PROKR1: variants seen among roughly 807,000 people sequenced by gnomAD.
The protein encoded by PROKR1 is G protein-coupled receptor 73.
Under a neutral mutation model 22.8 loss-of-function variants are expected in PROKR1, and 21 were observed. The observed-to-expected ratio is 0.92, with a 90% CI of 0.65 to 1.32. The LOEUF (loss-of-function observed/expected upper bound fraction) is 1.32, where lower values mean the gene tolerates loss of function less well. Among genes scored for constraint, PROKR1 ranks in the 40% most tolerant of loss-of-function variants. The probability of loss-of-function intolerance (pLI) is 0.00; values close to 1 mark genes in which losing one functional copy is unlikely to be tolerated. For synonymous variants in PROKR1, 193 were observed against 207.5 expected, an observed-to-expected ratio of 0.93 and a Z score of 0.60; for missense variants, 548 against 514.2, an observed-to-expected ratio of 1.07 and a Z score of -0.64.
In PROKR1 at chr2:68,655,147, C is replaced by A; in HGVS notation, c.753C>A (p.Cys251Ter). The A allele has an allele frequency of 6.2e-7, 1 of 1,614,222 alleles. No individual in the cohort carries two copies. The highest frequency in any genetic ancestry group is 8.5e-7 in the Non-Finnish European group (1 of 1,180,040). Residue 251 changes from cysteine (C) to a stop codon, truncating the protein, a stop_gained, in exon 3 of 3, where the codon TGC becomes TGA. Coordinates refer to ENST00000303786, the MANE Select transcript of PROKR1 (RefSeq NM_138964.4). LOFTEE classifies it high-confidence loss of function. ...GCCCCGTGGTCACCATGACCCTGTGCTATGCCAGGATCTCCCGGGAGCTCT... is the reference window on the plus strand; with the variant it reads ...GCCCCGTGGTCACCATGACCCTGTGATATGCCAGGATCTCCCGGGAGCTCT... ...FVGPVVTMTL[C>*]YARISRELWF...
At position 68,655,021 on chromosome 2, in the gene PROKR1, C is replaced by T; in HGVS notation, c.627C>T (p.Val209=). ...YFTTETVLVI[V]KSQEKIFCGQ... is the part of the protein sequence containing the mutation. ...CCACCGAGACGGTCCTCGTCATTGT[C>T]AAGAGCCAGGAAAAGATCTTCTGCG... Residue 209 remains valine (V), a synonymous_variant, in exon 3 of 3, where the codon GTC becomes GTT. Transcript: ENST00000303786. The T allele has an allele frequency of 1.2e-6, 2 of 1,613,838 alleles. No individual in the cohort carries two copies. Among genetic ancestry groups the T allele is most frequent in the Non-Finnish European group, 1.7e-6 (2 of 1,179,986 alleles).
At position 68,655,363 on chromosome 2, in the gene PROKR1, C is replaced by T. The variant is rs888675960; in HGVS notation, c.969C>T (p.Ala323=). The part of the protein sequence containing the change: ...VFVKEKHYLT[A]FYIVECIAMS... ...TGAAGGAGAAGCACTACCTCACTGC[C>T]TTCTACATCGTCGAGTGCATCGCCA... Residue 323 remains alanine (A), a synonymous_variant, in exon 3 of 3, where the codon GCC becomes GCT. Coordinates refer to ENST00000303786, the MANE Select transcript of PROKR1 (RefSeq NM_138964.4). 6.2e-6 allele frequency: 10 copies of T among 1,614,206 alleles called. No homozygotes were observed. The highest frequency in any genetic ancestry group is 1.6e-4 in the Middle Eastern group (1 of 6,062).
chr2:68,654,783 G>A (rs1382249720), intron 2 of PROKR1, 97 bp from the exon 3 acceptor site: 1 of 1,200,704 alleles, frequency 8.3e-7, no homozygotes, highest in East Asian at 2.5e-5. Context: ...CTCCAGCCTG[G>A]GTGACAGAGC....
intron 2 of PROKR1, among the ~76,000 whole-genome samples, chr2:68,647,262 T>G (rs182998599): frequency 2.0e-5 from 3 of 152,320 alleles, no homozygotes; most frequent in Admixed American, 2.0e-4. Context: ...GTCTCTTCCT[T>G]TAGTGTAAAC....
intron 2 of PROKR1, chr2:68,649,704 T>C (rs1673270700): frequency 6.6e-6 from 1 of 151,960 alleles, no homozygotes; most frequent in Admixed American, 6.6e-5. Context: ...AGGTGAGTAG[T>C]CAAGAGAAGG....
In PROKR1 at chr2:68,646,845, C is replaced by T. The variant is rs146663751; in HGVS notation, c.485+539C>T. Among the ~76,000 whole-genome samples the T allele has an allele frequency of 3.2e-3, 492 of 152,206 alleles. 3 individuals carry two copies. Among genetic ancestry groups the T allele is most frequent in the African/African-American group, 0.011 (458 of 41,524 alleles). On this transcript the variant is annotated intron_variant, in intron 2 of 2. Coordinates refer to ENST00000303786, the MANE Select transcript of PROKR1 (RefSeq NM_138964.4). Reference sequence around the variant, plus strand: ...GGAGGAGCATTTGAGGCCAGGAGTTCGAGACCAGCATGGGCAACATATCCA... The same window carrying T: ...GGAGGAGCATTTGAGGCCAGGAGTTTGAGACCAGCATGGGCAACATATCCA...
At position 68,655,256 on chromosome 2, in the gene PROKR1, T is replaced by G. The variant is rs1558580324; in HGVS notation, c.862T>G (p.Cys288Gly). Reference protein sequence around the residue: ...CRRKTVLVLMCILTAYVLCWA... With the variant: ...CRRKTVLVLMGILTAYVLCWA... ...CAGGAAGACGGTCCTGGTGCTCATG[T>G]GCATCCTCACCGCCTACGTGCTATG... Residue 288 changes from cysteine to glycine, a missense_variant, in exon 3 of 3, where the codon TGC becomes GGC. Physicochemically the swap from Cys to Gly is radical, Grantham distance 159. Transcript: ENST00000303786. 6.2e-7 allele frequency: 1 copy of G among 1,614,244 alleles called. No individual in the cohort carries two copies.
intron 2 of PROKR1, among the ~76,000 whole-genome samples, chr2:68,649,192 A>C (rs529522880): frequency 2.2e-4 from 33 of 152,278 alleles, no homozygotes; most frequent in African/African-American, 7.9e-4. Flanking sequence ...TTTATCATCT[A>C]CCTGCTTGTA....
Position 68,655,255 on chromosome 2 carries a change from GT to G in PROKR1, c.862del (p.Cys288AlafsTer28). 1 of 1,614,240 alleles carries G rather than the reference GT, an allele frequency of 6.2e-7. No homozygotes were observed. The highest frequency in any genetic ancestry group is 8.5e-7 in the Non-Finnish European group (1 of 1,180,048). ...CRRKTVLVLM[C>X]ILTAYVLCWA... ...GCAGGAAGACGGTCCTGGTGCTCATGTGCATCCTCACCGCCTACGTGCTATG... is the reference window on the plus strand; with the variant it reads ...GCAGGAAGACGGTCCTGGTGCTCATGGCATCCTCACCGCCTACGTGCTATG... On this transcript the variant is annotated frameshift_variant, in exon 3 of 3. Transcript: ENST00000303786. LOFTEE classifies it high-confidence loss of function.
intron 1 of PROKR1, among the ~76,000 whole-genome samples, chr2:68,644,568 G>A (rs1244319896): frequency 1.3e-5 from 2 of 152,314 alleles, no homozygotes; most frequent in South Asian, 2.1e-4. Flanking sequence ...TTGCCTCGGA[G>A]GAATATGGAG....
Position 68,655,633 on chromosome 2 carries a change from T to A in PROKR1, c.*57T>A. 6.6e-7 allele frequency: 1 copy of A among 1,522,758 alleles called. No homozygotes were observed. The highest frequency in any genetic ancestry group is 9.0e-7 in the Non-Finnish European group (1 of 1,107,928). 94.3% of individuals were successfully genotyped at this position (1,522,758 alleles called of 1,614,324 possible). On this transcript the variant is annotated 3_prime_UTR_variant, in exon 3 of 3. Coordinates refer to ENST00000303786, the MANE Select transcript of PROKR1 (RefSeq NM_138964.4). Reference sequence around the variant, plus strand: ...GCAGGGTCCTGTGGACACTGACTAGTGTGCTTGGATGCACATCAACCTGGA... The same window carrying A: ...GCAGGGTCCTGTGGACACTGACTAGAGTGCTTGGATGCACATCAACCTGGA...
At chr2:68,644,098 G>C (rs374504215) in intron 1 of PROKR1, among the ~76,000 whole-genome samples, 19 of 152,220 alleles carry the variant, frequency 1.2e-4, no homozygotes, top group African/African-American at 4.6e-4. Context: ...TAGCGATCGA[G>C]AGGTCACCAG....
At chr2:68,653,113 C>T (rs904038712) in intron 2 of PROKR1, among the ~76,000 whole-genome samples, 15 of 152,272 alleles carry the variant, frequency 9.9e-5, no homozygotes, top group Admixed American at 3.9e-4. Flanking sequence ...TGAGTCAGGG[C>T]GAGTTTGAGG....
intron 2 of PROKR1, among the ~76,000 whole-genome samples, chr2:68,648,579 C>G (rs928057694): frequency 6.6e-6 from 1 of 152,058 alleles, no homozygotes; most frequent in Non-Finnish European, 1.5e-5. Context: ...CACCAATGCC[C>G]ATTCTTTTAT....
Position 68,654,888 on chromosome 2 carries a change from C to T in PROKR1, c.494C>T (p.Ala165Val). 1 of 1,612,670 alleles carries T rather than the reference C, an allele frequency of 6.2e-7. No individual in the cohort carries two copies. The highest frequency in any genetic ancestry group is 1.3e-5 in the African/African-American group (1 of 74,886). Residue 165 changes from alanine to valine, a missense_variant, in exon 3 of 3, where the codon GCT (alanine) becomes GTT (valine). Transcript: ENST00000303786. ...LLAIAIDRYL[A>V]IVHPLRPRMK... The stretch of plus-strand genomic sequence containing the variant: ...TTGTGTTCTTGCCCTAGGTATCTGG[C>T]TATTGTCCATCCGCTGAGACCACGG...
In PROKR1 at chr2:68,649,008, C is replaced by T. The variant is rs1046289784; in HGVS notation, c.485+2702C>T. Among the ~76,000 whole-genome samples the T allele has an allele frequency of 3.3e-5, 5 of 152,104 alleles. No homozygotes were observed. The East Asian group carries it at 7.7e-4, about 23-fold the overall frequency. On this transcript the variant is annotated intron_variant, in intron 2 of 2. Transcript: ENST00000303786. ...TTCAAAACAGTAAGCAATAAATAAACAGTGGATATGATAATTCTTAAATTA... is the reference window on the plus strand; with the variant it reads ...TTCAAAACAGTAAGCAATAAATAAATAGTGGATATGATAATTCTTAAATTA...
Position 68,646,257 on chromosome 2 carries a change from GTC to G in PROKR1, c.444_445del (p.Tyr149CysfsTer12), listed in dbSNP as rs749261505. 1.2e-6 allele frequency: 2 copies of G among 1,614,190 alleles called. No individual in the cohort carries two copies. The highest frequency in any genetic ancestry group is 2.2e-5 in the East Asian group (1 of 44,886). On this transcript the variant is annotated frameshift_variant, in exon 2 of 3. Transcript: ENST00000303786. LOFTEE classifies it high-confidence loss of function. ...CACCTCTGTCAACTACCTGCGCACT[GTC>G]TCTCTCTATGTCTCCACCAATGCCC... ...LCTSVNYLRTVSLYVSTNALL... is the reference protein window; with the variant it reads ...LCTSVNYLRTXSLYVSTNALL...
intron 2 of PROKR1, among the ~76,000 whole-genome samples, chr2:68,653,563 C>G (rs1185938287): frequency 6.6e-6 from 1 of 152,184 alleles, no homozygotes; most frequent in Non-Finnish European, 1.5e-5. Flanking sequence ...TGGGCTCTAC[C>G]TGGAATAAGT....
intron 2 of PROKR1, among the ~76,000 whole-genome samples, chr2:68,653,777 C>A (rs536501146): frequency 3.5e-4 from 54 of 152,254 alleles, no homozygotes; most frequent in South Asian, 3.1e-3. Context: ...GACTCATTTC[C>A]CCCCTAGAAA....
Sources: gnomAD v4.1 joint callset for allele counts (sites outside exome capture counted in the v4.1 genomes callset) on GRCh38, gnomAD v4.1.1 for gene constraint, MANE v1.5 for transcripts, NCBI Gene and HGNC (gene_info 2026-07-23, HGNC 2026-07-21) for gene names.